The following NETO1 variants were observed in gnomAD, a reference collection of about 807,000 sequenced individuals.
The protein encoded by NETO1 is neuropilin and tolloid-like protein 1.
NETO1 carries 26 observed loss-of-function variants against 61.3 expected under a neutral mutation model. The observed-to-expected ratio is 0.42, with a 90% CI of 0.31 to 0.59. The LOEUF (loss-of-function observed/expected upper bound fraction) is 0.59, where lower values mean the gene tolerates loss of function less well. Ranked by LOEUF, NETO1 falls within the 20% of genes least tolerant of loss-of-function variation. NETO1 has a pLI of 0.12. For synonymous variants in NETO1, 225 were observed against 225.8 expected, an observed-to-expected ratio of 1.00 and a Z score of 0.03; for missense variants, 531 against 662.8, an observed-to-expected ratio of 0.80 and a Z score of 2.18.
chr18:72,758,876 T>C (rs1311003804), intron 7 of NETO1, among the ~76,000 whole-genome samples: 1 of 151,940 alleles, frequency 6.6e-6, no homozygotes, highest in Non-Finnish European at 1.5e-5. Context: ...AACAAAAAAG[T>C]AGCAATGTAT....
chr18:72,752,144 C>T (rs1486788557), intron 8 of NETO1: 2 of 152,138 alleles, frequency 1.3e-5, no homozygotes, highest in Non-Finnish European at 2.9e-5. Flanking sequence ...AGAAGTTTAA[C>T]AGAACGAGCT....
At position 72,847,466 on chromosome 18, in the gene NETO1, G is replaced by A. The variant is rs375386629; in HGVS notation, c.469+11360C>T. 1.2e-4 allele frequency among the ~76,000 whole-genome samples: 19 copies of A among 152,294 alleles called. No individual in the cohort carries two copies. In the East Asian group the frequency reaches 3.7e-3, roughly 29 times the overall value. On this transcript the variant is annotated intron_variant, in intron 4 of 10. Transcript: ENST00000327305. ...TGAAGCAAAGGCATCAGGCAAATAT[G>A]CCATGAAGAGGCAGAGCCTTAAAGA...
chr18:72,859,142 T>A, intron 3 of NETO1, 68 bp from the exon 4 acceptor site: 1 of 1,429,082 alleles, frequency 7.0e-7, no homozygotes, highest in South Asian at 1.5e-5. Context: ...TTTCTGATTC[T>A]ATTTCAGATG....
chr18:72,768,565 G>A (rs1334775170), intron 7 of NETO1, among the ~76,000 whole-genome samples: 3 of 152,278 alleles, frequency 2.0e-5, no homozygotes, highest in African/African-American at 7.2e-5. Flanking sequence ...AAGGGATTTC[G>A]CAGGTGTGAA....
At chr18:72,857,188 A>C (rs1368258647) in intron 4 of NETO1, among the ~76,000 whole-genome samples, 1 of 152,200 alleles carries the variant, frequency 6.6e-6, no homozygotes, top group African/African-American at 2.4e-5. Context: ...TAAAAACAGA[A>C]GCCTCAGCCC....
chr18:72,864,516 C>G (rs1289741703), intron 3 of NETO1, among the ~76,000 whole-genome samples: 1 of 152,190 alleles, frequency 6.6e-6, no homozygotes, highest in East Asian at 1.9e-4. Context: ...AACTATGCGT[C>G]CATTCTACTG....
At chr18:72,781,564 T>C (rs1434158428) in intron 7 of NETO1, among the ~76,000 whole-genome samples, 1 of 152,178 alleles carries the variant, frequency 6.6e-6, no homozygotes, top group African/African-American at 2.4e-5. Flanking sequence ...TGCTAGATGA[T>C]GGTGTCAAGA....
intron 4 of NETO1, among the ~76,000 whole-genome samples, chr18:72,835,890 A>G (rs1300110467): frequency 6.6e-6 from 1 of 152,200 alleles, no homozygotes; most frequent in Non-Finnish European, 1.5e-5. Flanking sequence ...GTGAGAGGAA[A>G]ACAAATAAAT....
chr18:72,772,823 C>CTATATATATA (rs2071414773), intron 7 of NETO1, among the ~76,000 whole-genome samples: 1 of 38,862 alleles, frequency 2.6e-5, no homozygotes, highest in Non-Finnish European at 4.4e-5. Context: ...CTCTCTCTCT[C>CTATATATATA]TCTATATATA....
intron 7 of NETO1, among the ~76,000 whole-genome samples, chr18:72,761,111 G>A (rs1314857663): frequency 6.6e-6 from 1 of 152,146 alleles, no homozygotes; most frequent in Non-Finnish European, 1.5e-5. Flanking sequence ...ATGTTAAGAT[G>A]TATGATATAA....
Position 72,856,404 on chromosome 18 carries a change from C to T in NETO1, c.469+2422G>A, listed in dbSNP as rs115426251. Among the ~76,000 whole-genome samples, 825 of 152,258 alleles carry T rather than the reference C, an allele frequency of 5.4e-3. 10 individuals are homozygous for T. Among genetic ancestry groups the T allele is most frequent in the African/African-American group, 0.018 (762 of 41,540 alleles). On this transcript the variant is annotated intron_variant, in intron 4 of 10. Transcript: ENST00000327305. ...AGGAACTGTTTTTAAGTCTGAGACA[C>T]TTGTTTTCCCAATAACCTGTACCAA...
intron 4 of NETO1, among the ~76,000 whole-genome samples, chr18:72,813,588 A>C (rs2072936212): frequency 6.6e-6 from 1 of 152,220 alleles, no homozygotes; most frequent in Admixed American, 6.5e-5. Context: ...GGAATAGGAA[A>C]CTACCAAAAA....
intron 8 of NETO1, among the ~76,000 whole-genome samples, chr18:72,751,029 G>A (rs1403303543): frequency 1.9e-5 from 2 of 104,198 alleles, no homozygotes; most frequent in Admixed American, 1.1e-4. Context: ...CCTCCCCATC[G>A]TCCAGCATCT....
downstream of NETO1, chr18:72,742,626 A>G (rs549626892): frequency 3.9e-5 from 6 of 152,300 alleles, no homozygotes; most frequent in South Asian, 2.1e-4. Flanking sequence ...AGTACGTACT[A>G]TGTTGAATAT....
rs371349814 is a variant in NETO1 at position 72,750,225 on chromosome 18, T to G, written c.1378A>C (p.Thr460Pro). ...GGGATGAGGGGTTTTCCTGGCTGTG[T>G]GGGCATCTCTGTCAAGATAGAAGCA... ...RDASILTEMP[T>P]QPGKPLIPPM... The change falls in exon 9 of 11, where the codon ACA becomes CCA. Residue 460 changes from threonine (T) to proline (P), a missense_variant. Transcript: ENST00000327305. 7.7e-5 allele frequency: 125 copies of G among 1,613,962 alleles called. No homozygotes were observed. Among genetic ancestry groups the G allele is most frequent in the Non-Finnish European group, 6.4e-5 (76 of 1,179,988 alleles).
chr18:72,848,446 A>C (rs1252353346), intron 4 of NETO1, among the ~76,000 whole-genome samples: 2 of 152,200 alleles, frequency 1.3e-5, no homozygotes, highest in Non-Finnish European at 2.9e-5. Flanking sequence ...TCTGAGACAC[A>C]ATTTCTCTCC....
intron 4 of NETO1, among the ~76,000 whole-genome samples, chr18:72,827,731 A>G (rs8091886): frequency 0.47 from 70,043 of 148,518 alleles, 17,081 homozygotes; most frequent in Admixed American, 0.51. Flanking sequence ...AAAAAAAAAA[A>G]AAAAAAGAAA....
intron 7 of NETO1, among the ~76,000 whole-genome samples, chr18:72,763,861 G>A (rs1387890232): frequency 1.3e-5 from 2 of 152,138 alleles, no homozygotes; most frequent in Admixed American, 6.6e-5. Context: ...AAAGAAAAGA[G>A]GTTTAATTGA....
intron 7 of NETO1, among the ~76,000 whole-genome samples, chr18:72,780,431 T>C (rs1211446238): frequency 6.6e-6 from 1 of 152,202 alleles, no homozygotes; most frequent in Non-Finnish European, 1.5e-5. Flanking sequence ...TAATAATATA[T>C]GCAACATATA....
Sources: allele counts gnomAD v4.1 joint callset (sites outside exome capture counted in the v4.1 genomes callset), GRCh38; gene constraint gnomAD v4.1.1; transcripts MANE v1.5; gene names NCBI Gene and HGNC (gene_info 2026-07-23, HGNC 2026-07-21).